Variants in PPP2R5E observed in about 807,000 individuals in gnomAD.
PPP2R5E encodes the protein serine/threonine-protein phosphatase 2A 56 kDa regulatory subunit epsilon isoform.
PPP2R5E carries 4 observed loss-of-function variants against 65.3 expected under a neutral mutation model. The ratio of observed to expected loss-of-function variants is 0.06; its 90% CI spans 0.03 to 0.14. The LOEUF is 0.14. Among genes scored for constraint, PPP2R5E ranks in the 10% least tolerant of loss-of-function variants. PPP2R5E has a pLI of 1.00. For synonymous variants in PPP2R5E, 183 were observed against 187.4 expected (o/e 0.98, Z 0.19); for missense variants, 274 against 556.1 (o/e 0.49, Z 5.10).
chr14:63,406,348 T>G (rs1594838244), intron 5 of PPP2R5E, among the ~76,000 whole-genome samples: 1 of 149,224 alleles, frequency 6.7e-6, no homozygotes, highest in African/African-American at 2.5e-5. Flanking sequence ...GAGGCGGAGG[T>G]TGCCGTGAGC....
intron 2 of PPP2R5E, among the ~76,000 whole-genome samples, chr14:63,489,264 T>C (rs886619759): frequency 3.3e-5 from 5 of 152,034 alleles, no homozygotes; most frequent in African/African-American, 1.2e-4. Flanking sequence ...CATAGAAAAC[T>C]GCTAATTCAC....
At chr14:63,403,387 C>CAAAAAAAAAAAAAAAAAAAAAAAAAAA (rs35226807) in intron 5 of PPP2R5E, among the ~76,000 whole-genome samples, 1 of 79,278 alleles carries the variant, frequency 1.3e-5, no homozygotes, top group Non-Finnish European at 2.9e-5. Context: ...GAGTCTGTCT[C>CAAAAAAAAAAAAAAAAAAAAAAAAAAA]AAAAAAAAAA....
chr14:63,536,003 C>G (rs1227054841), intron 2 of PPP2R5E, among the ~76,000 whole-genome samples: 1 of 152,136 alleles, frequency 6.6e-6, no homozygotes, highest in Non-Finnish European at 1.5e-5. Context: ...TTATGTTATT[C>G]TACAGACAGA....
chr14:63,486,245 C>CT (rs1307277773), intron 2 of PPP2R5E, among the ~76,000 whole-genome samples: 1 of 151,232 alleles, frequency 6.6e-6, no homozygotes, highest in East Asian at 1.9e-4. Context: ...CTCTCCTCCC[C>CT]TCTCCTGATT....
At chr14:63,398,184 G>T in intron 5 of PPP2R5E, among the ~76,000 whole-genome samples, 1 of 152,116 alleles carries the variant, frequency 6.6e-6, no homozygotes. Context: ...GAGCACAACA[G>T]ATTCAACTCA....
At chr14:63,401,848 A>G (rs1885773067) in intron 5 of PPP2R5E, among the ~76,000 whole-genome samples, 1 of 152,146 alleles carries the variant, frequency 6.6e-6, no homozygotes, top group South Asian at 2.1e-4. Context: ...AAGAAAGCCA[A>G]CGAGAAGCAG....
At chr14:63,517,459 C>CACCG (rs142932875) in intron 2 of PPP2R5E, among the ~76,000 whole-genome samples, 2 of 151,598 alleles carry the variant, frequency 1.3e-5, no homozygotes, top group Non-Finnish European at 2.9e-5. Context: ...GTCATTTAAG[C>CACCG]ACTATCAAAA....
intron 2 of PPP2R5E, among the ~76,000 whole-genome samples, chr14:63,464,131 C>T (rs60644154): frequency 0.33 from 50,411 of 152,016 alleles, 11,185 homozygotes; most frequent in African/African-American, 0.63. Context: ...ATTCACTGAT[C>T]CGCCAAATAT....
chr14:63,425,841 T>A (rs1198480559), intron 3 of PPP2R5E, among the ~76,000 whole-genome samples: 1 of 152,272 alleles, frequency 6.6e-6, no homozygotes, highest in Non-Finnish European at 1.5e-5. Flanking sequence ...TGTTTATCCC[T>A]ATATTGTGTT....
At chr14:63,502,386 A>C (rs1891932651) in intron 2 of PPP2R5E, among the ~76,000 whole-genome samples, 1 of 151,814 alleles carries the variant, frequency 6.6e-6, no homozygotes, top group Non-Finnish European at 1.5e-5. Context: ...TAATGAAAAC[A>C]CTCCCACTTG....
chr14:63,467,477 A>G (rs1484788534), intron 2 of PPP2R5E, among the ~76,000 whole-genome samples: 2 of 152,128 alleles, frequency 1.3e-5, no homozygotes, highest in African/African-American at 4.8e-5. Context: ...TTCTCTTCAG[A>G]TTGTACTGAA....
intron 2 of PPP2R5E, among the ~76,000 whole-genome samples, chr14:63,476,925 A>G (rs1187299749): frequency 1.3e-5 from 2 of 152,182 alleles, no homozygotes; most frequent in African/African-American, 4.8e-5. Context: ...CTTAGACTGT[A>G]GAGTAGTAGA....
intron 2 of PPP2R5E, among the ~76,000 whole-genome samples, chr14:63,466,273 C>CAAAAAAAAAAA (rs550383242): frequency 2.5e-5 from 3 of 118,286 alleles, no homozygotes; most frequent in East Asian, 2.5e-4. Context: ...TTTAAAAATA[C>CAAAAAAAAAAA]AAAAAAAAAA....
intron 2 of PPP2R5E, among the ~76,000 whole-genome samples, chr14:63,462,319 C>A (rs555622198): frequency 2.0e-5 from 3 of 152,268 alleles, no homozygotes; most frequent in African/African-American, 7.2e-5. Context: ...ATCCGCCCAC[C>A]TCGGCCTCCC....
chr14:63,519,951 C>T (rs1228391756), intron 2 of PPP2R5E, among the ~76,000 whole-genome samples: 1 of 151,638 alleles, frequency 6.6e-6, no homozygotes, highest in South Asian at 2.1e-4. Context: ...TGAGCCACCA[C>T]GCCTAGCTCC....
In PPP2R5E at chr14:63,483,595, G is replaced by A. The variant is rs147835399; in HGVS notation, c.158-29710C>T. Among the ~76,000 whole-genome samples the A allele has an allele frequency of 1.1e-4, 16 of 152,196 alleles. No individual in the cohort carries two copies. In the East Asian group the frequency reaches 2.5e-3, roughly 24 times the overall value. On this transcript the variant is annotated intron_variant, in intron 2 of 13. Transcript: ENST00000337537. ...AGAGGGCGCCACTAGAGAAAAGCTGGGCAGGTTCAGATCCGAGAGCTTCCA... is the reference window on the plus strand; with the variant it reads ...AGAGGGCGCCACTAGAGAAAAGCTGAGCAGGTTCAGATCCGAGAGCTTCCA...
At chr14:63,402,810 T>A in intron 5 of PPP2R5E, among the ~76,000 whole-genome samples, 1 of 150,560 alleles carries the variant, frequency 6.6e-6, no homozygotes, top group African/African-American at 2.4e-5. Flanking sequence ...AAACAGAAAA[T>A]GAAGAGAAGG....
chr14:63,387,787 G>C (rs915899076), intron 11 of PPP2R5E, among the ~76,000 whole-genome samples: 2 of 152,314 alleles, frequency 1.3e-5, no homozygotes, highest in Middle Eastern at 3.4e-3. Flanking sequence ...AAGGTTACAT[G>C]AGCTCATAAG....
At chr14:63,394,850 T>C (rs780907131) in intron 7 of PPP2R5E, among the ~76,000 whole-genome samples, 1 of 152,230 alleles carries the variant, frequency 6.6e-6, no homozygotes, top group Non-Finnish European at 1.5e-5. Context: ...CCTTTGAAAA[T>C]GGCAATCTTT....
Sources: gnomAD v4.1 joint callset for allele counts (sites outside exome capture counted in the v4.1 genomes callset) on GRCh38, gnomAD v4.1.1 for gene constraint, MANE v1.5 for transcripts, NCBI Gene and HGNC (gene_info 2026-07-23, HGNC 2026-07-21) for gene names.